NALF1: variants seen among roughly 807,000 people sequenced by gnomAD.
NALF1 encodes NALCN channel auxiliary factor 1.
NALF1 carries 3 observed loss-of-function variants against 48.4 expected under a neutral mutation model. That is an observed-to-expected ratio of 0.06 (90% confidence interval 0.03 to 0.16). NALF1 has a LOEUF of 0.16. NALF1 is among the 10% of genes least tolerant of loss of function. NALF1 has a pLI of 1.00. For missense variants in NALF1, 526 were observed against 571.5 expected, an observed-to-expected ratio of 0.92 and a Z score of 0.81; for synonymous variants, 262 against 245.7, an observed-to-expected ratio of 1.07 and a Z score of -0.62.
chr13:107,481,104 G>C (rs1008428513), intron 1 of NALF1, among the ~76,000 whole-genome samples: 3 of 152,100 alleles, frequency 2.0e-5, no homozygotes, highest in Middle Eastern at 3.2e-3. Context: ...CTGGCTTTTT[G>C]AGGATGAAGA....
chr13:107,491,617 T>C (rs527589528), intron 1 of NALF1, among the ~76,000 whole-genome samples: 7 of 152,220 alleles, frequency 4.6e-5, no homozygotes, highest in Non-Finnish European at 8.8e-5. Context: ...AATGTGAACA[T>C]CATCAAACCA....
rs917366798 is a variant in NALF1, at chr13:107,491,778, T to C, written c.916-281023A>G. Reference sequence around the variant, plus strand: ...CCATAAGTCGTTAGTAAATGTAAGATGGTATAAATTATAGTGCACATTTAA... The same window carrying C: ...CCATAAGTCGTTAGTAAATGTAAGACGGTATAAATTATAGTGCACATTTAA... On this transcript the variant is annotated intron_variant, in intron 1 of 2. Transcript: ENST00000375915. 3.3e-5 allele frequency among the ~76,000 whole-genome samples: 5 copies of C among 152,266 alleles called. 1 individual carries two copies. Among genetic ancestry groups the C allele is most frequent in the Admixed American group, 3.3e-4 (5 of 15,286 alleles).
At chr13:107,831,009 G>A (rs990371734) in intron 1 of NALF1, among the ~76,000 whole-genome samples, 12 of 152,308 alleles carry the variant, frequency 7.9e-5, no homozygotes, top group African/African-American at 2.6e-4. Flanking sequence ...TGGCTGTGCG[G>A]ATTAAAGGAG....
chr13:107,365,398 T>C (rs922405972), intron 1 of NALF1, among the ~76,000 whole-genome samples: 2 of 152,094 alleles, frequency 1.3e-5, no homozygotes, highest in Admixed American at 6.6e-5. Context: ...ACTTTTCCTC[T>C]GACAGCCCTG....
intron 1 of NALF1, among the ~76,000 whole-genome samples, chr13:107,611,939 A>G (rs986041207): frequency 6.7e-6 from 1 of 149,356 alleles, no homozygotes; most frequent in African/African-American, 2.5e-5. Flanking sequence ...AAGAAAGGAA[A>G]GACAAAAAAG....
intron 1 of NALF1, among the ~76,000 whole-genome samples, chr13:107,365,618 G>A (rs1256326649): frequency 6.6e-6 from 1 of 152,158 alleles, no homozygotes; most frequent in Non-Finnish European, 1.5e-5. Context: ...TCCAGGGAAT[G>A]GTTACTGGGG....
intron 1 of NALF1, among the ~76,000 whole-genome samples, chr13:107,260,777 T>C (rs1015593455): frequency 6.6e-6 from 1 of 152,228 alleles, no homozygotes; most frequent in African/African-American, 2.4e-5. Flanking sequence ...CAGCAGTGTG[T>C]GGCTAGCTCT....
intron 1 of NALF1, among the ~76,000 whole-genome samples, chr13:107,558,385 G>A (rs1052400195): frequency 2.6e-5 from 4 of 151,722 alleles, no homozygotes; most frequent in Non-Finnish European, 5.9e-5. Context: ...ATTGAAATTG[G>A]GCCAGTCTGA....
intron 1 of NALF1, among the ~76,000 whole-genome samples, chr13:107,246,571 A>G (rs1566463069): frequency 6.6e-6 from 1 of 152,210 alleles, no homozygotes; most frequent in Non-Finnish European, 1.5e-5. Flanking sequence ...ATATATCCTC[A>G]AAGATGCAGT....
chr13:107,628,525 G>C (rs1235716063), intron 1 of NALF1, among the ~76,000 whole-genome samples: 1 of 152,114 alleles, frequency 6.6e-6, no homozygotes, highest in East Asian at 1.9e-4. Flanking sequence ...TTCCACTCAA[G>C]ATACTGTACC....
intron 1 of NALF1, among the ~76,000 whole-genome samples, chr13:107,816,746 A>T (rs1168642986): frequency 1.3e-5 from 2 of 151,220 alleles, no homozygotes; most frequent in Non-Finnish European, 3.0e-5. Context: ...GTATTGCATT[A>T]AAAAAAAACC....
At chr13:107,828,497 T>G (rs1215651275) in intron 1 of NALF1, among the ~76,000 whole-genome samples, 1 of 150,922 alleles carries the variant, frequency 6.6e-6, no homozygotes, top group East Asian at 1.9e-4. Flanking sequence ...GACTTGTTTT[T>G]TTTTTTTTTT....
At chr13:107,273,368 G>C (rs1209732236) in intron 1 of NALF1, among the ~76,000 whole-genome samples, 1 of 152,224 alleles carries the variant, frequency 6.6e-6, no homozygotes, top group Admixed American at 6.5e-5. Flanking sequence ...GAAGGCTCCA[G>C]TGTCACATAA....
chr13:107,693,155 C>T (rs1594210777), intron 1 of NALF1, among the ~76,000 whole-genome samples: 1 of 152,170 alleles, frequency 6.6e-6, no homozygotes, highest in East Asian at 1.9e-4. Flanking sequence ...TTCTCTCCAG[C>T]ATCTGTTGTT....
At position 107,659,145 on chromosome 13, in the gene NALF1, G is replaced by A. The variant is rs12020024; in HGVS notation, c.915+206537C>T. Among the ~76,000 whole-genome samples the A allele has an allele frequency of 4.6e-3, 385 of 84,468 alleles. 4 individuals carry two copies. The highest frequency in any genetic ancestry group is 0.014 in the Middle Eastern group (2 of 144). 55.4% of individuals were successfully genotyped at this position (84,468 alleles called of 152,430 possible). A position where few individuals can be genotyped will look rare whatever the true frequency, so the allele number is the denominator to read the frequency against. On this transcript the variant is annotated intron_variant, in intron 1 of 2. Coordinates refer to ENST00000375915, the MANE Select transcript of NALF1 (RefSeq NM_001080396.3). Reference sequence around the variant, plus strand: ...CACACACACACACACACACACACACGCACTCAAACTTGTCTTCCTAATGCA... The same window carrying A: ...CACACACACACACACACACACACACACACTCAAACTTGTCTTCCTAATGCA...
At chr13:107,598,519 T>C (rs1425598355) in intron 1 of NALF1, among the ~76,000 whole-genome samples, 1 of 152,218 alleles carries the variant, frequency 6.6e-6, no homozygotes, top group Non-Finnish European at 1.5e-5. Flanking sequence ...GGATGCCTAA[T>C]GTGCATATCA....
chr13:107,750,305 A>C (rs1876901415), intron 1 of NALF1, among the ~76,000 whole-genome samples: 2 of 152,134 alleles, frequency 1.3e-5, no homozygotes, highest in Non-Finnish European at 2.9e-5. Context: ...TCAAGCTGTC[A>C]AAGCGAGTGT....
intron 1 of NALF1, chr13:107,466,213 C>G (rs575713645): frequency 6.6e-5 from 10 of 152,332 alleles, no homozygotes; most frequent in Admixed American, 1.3e-4. Flanking sequence ...CCACCAGGTC[C>G]CTCCCATGAC....
At chr13:107,552,961 T>C (rs1362774573) in intron 1 of NALF1, among the ~76,000 whole-genome samples, 6 of 152,142 alleles carry the variant, frequency 3.9e-5, no homozygotes, top group African/African-American at 1.4e-4. Context: ...TGAATTGTTA[T>C]CTACGAAATC....
Sources: gnomAD v4.1 joint callset for allele counts (sites outside exome capture counted in the v4.1 genomes callset) on GRCh38, gnomAD v4.1.1 for gene constraint, MANE v1.5 for transcripts, NCBI Gene and HGNC (gene_info 2026-07-23, HGNC 2026-07-21) for gene names.